The following GTF2IRD2B variants were observed in gnomAD, a reference collection of about 807,000 sequenced individuals.
The protein encoded by GTF2IRD2B is general transcription factor II-I repeat domain-containing protein 2B.
A neutral mutation model predicts 55.6 loss-of-function variants in GTF2IRD2B; 10 were observed. That is an observed-to-expected ratio of 0.18 (90% CI 0.11 to 0.31). The LOEUF is 0.31. Among genes scored for constraint, GTF2IRD2B ranks in the 10% least tolerant of loss-of-function variants. The pLI is 1.00. For missense variants in GTF2IRD2B, 206 were observed against 802.7 expected, an observed-to-expected ratio of 0.26 and a Z score of 8.98; for synonymous variants, 107 against 320.5, an observed-to-expected ratio of 0.33 and a Z score of 7.12.
In GTF2IRD2B at chr7:75,104,178, A is replaced by C. The variant is rs587696977; in HGVS notation, c.-5-4782A>C. Among the ~76,000 whole-genome samples, 58 of 136,238 alleles carry C rather than the reference A, an allele frequency of 4.3e-4. 2 individuals are homozygous for C. The East Asian group carries it at 5.2e-3, about 12-fold the overall frequency. The allele number at this position is 136,238 out of a possible 152,430, so 89.4% of individuals were successfully genotyped here. On this transcript the variant is annotated intron_variant, in intron 1 of 15. Transcript: ENST00000472837. ...TACTCTGTTGCCCCACCTGGAGGGCAGTGGCACAATCTTGGCTCACTGCAA... is the reference window on the plus strand; with the variant it reads ...TACTCTGTTGCCCCACCTGGAGGGCCGTGGCACAATCTTGGCTCACTGCAA...
At chr7:75,121,581 C>T in intron 4 of GTF2IRD2B, among the ~76,000 whole-genome samples, 1 of 142,280 alleles carries the variant, frequency 7.0e-6, no homozygotes, top group Non-Finnish European at 1.5e-5. Flanking sequence ...ACCCCAGCCT[C>T]CTAAGTAGCT....
In GTF2IRD2B at chr7:75,127,022, AAC is replaced by A. The variant is rs1268999074; in HGVS notation, c.670+639_670+640del. On this transcript the variant is annotated intron_variant, in intron 8 of 15. Transcript: ENST00000472837. ...AAAAAAAAACAAAAACAAAAACAAA[AAC>A]AAAAAAAACAAAAAAAAGAACCAAG... is the stretch of plus-strand genomic sequence containing the variant. 6.4e-4 allele frequency among the ~76,000 whole-genome samples: 63 copies of A among 98,284 alleles called. 2 individuals are homozygous for A. Among genetic ancestry groups the A allele is most frequent in the Middle Eastern group, 5.4e-3 (1 of 186 alleles). The allele number at this position is 98,284 out of a possible 152,430, so 64.5% of individuals were successfully genotyped here.
chr7:75,102,613 C>G (rs1428751647), intron 1 of GTF2IRD2B, among the ~76,000 whole-genome samples: 1 of 151,352 alleles, frequency 6.6e-6, no homozygotes, highest in Non-Finnish European at 1.5e-5. Context: ...GAGCCATGAT[C>G]GAGCCACTGC....
At position 75,130,114 on chromosome 7, in the gene GTF2IRD2B, T is replaced by G. The variant is rs1563097507; in HGVS notation, c.671-3021T>G. On this transcript the variant is annotated intron_variant, in intron 8 of 15. Transcript: ENST00000472837. ...TTCTCTTTCTTTCTTTCTTTCTTTC[T>G]TTCTTTCTTTCTTTCTTTCTTTCTT... 6.4e-5 allele frequency among the ~76,000 whole-genome samples: 7 copies of G among 108,808 alleles called. No individual in the cohort carries two copies. In the South Asian group the frequency reaches 2.3e-3, roughly 35 times the overall value. 71.4% of individuals were successfully genotyped at this position (108,808 alleles called of 152,430 possible).
chr7:75,100,165 A>AT (rs1807498042), intron 1 of GTF2IRD2B, among the ~76,000 whole-genome samples: 2 of 112,488 alleles, frequency 1.8e-5, no homozygotes. Context: ...CTGAGGCAGC[A>AT]GAATCGCTTG....
chr7:75,109,231 G>T (rs587628940), intron 2 of GTF2IRD2B, among the ~76,000 whole-genome samples, 168 bp downstream of exon 2: 2 of 138,884 alleles, frequency 1.4e-5, no homozygotes, highest in Admixed American at 7.6e-5. Context: ...CTCAGCTCAC[G>T]GCAACCTCTG....
At chr7:75,136,148 A>AATG (rs1208244507) in intron 10 of GTF2IRD2B, among the ~76,000 whole-genome samples, 1 of 72,458 alleles carries the variant, frequency 1.4e-5, no homozygotes, top group African/African-American at 6.0e-5. Context: ...CAATAATGAT[A>AATG]ATAATAATAA....
At chr7:75,103,527 G>A (rs1554449780) in intron 1 of GTF2IRD2B, among the ~76,000 whole-genome samples, 2 of 149,938 alleles carry the variant, frequency 1.3e-5, no homozygotes, top group African/African-American at 4.9e-5. Context: ...CCGTCCCCAA[G>A]TGAAGGGTGC....
chr7:75,120,195 A>C lies in GTF2IRD2B; in HGVS notation c.239-696A>C, dbSNP rs1395264163. 2.8e-4 allele frequency among the ~76,000 whole-genome samples: 20 copies of C among 72,044 alleles called. 3 individuals carry two copies. The East Asian group carries it at 3.7e-3, about 13-fold the overall frequency. 47.3% of individuals were successfully genotyped at this position (72,044 alleles called of 152,430 possible). On this transcript the variant is annotated intron_variant, in intron 3 of 15. Coordinates refer to ENST00000472837, the MANE Select transcript of GTF2IRD2B (RefSeq NM_001003795.3). ...CCTTACATTGATACAAAAAAAAAAA[A>C]CAAAAACCTTTCTGTGTTCAAATTA...
chr7:75,136,148 A>G (rs1355938579), intron 10 of GTF2IRD2B, among the ~76,000 whole-genome samples: 16 of 72,432 alleles, frequency 2.2e-4, no homozygotes, highest in South Asian at 4.1e-4. Flanking sequence ...CAATAATGAT[A>G]ATAATAATAA....
intron 1 of GTF2IRD2B, among the ~76,000 whole-genome samples, chr7:75,105,891 AG>A (rs1397565037): frequency 6.6e-6 from 1 of 152,310 alleles, no homozygotes; most frequent in African/African-American, 2.4e-5. Context: ...TCTGGAACCC[AG>A]GCTGCTGTGG....
chr7:75,132,548 CTTTTTTTTTT>C (rs1159887977), intron 8 of GTF2IRD2B, among the ~76,000 whole-genome samples: 9 of 85,356 alleles, frequency 1.1e-4, no homozygotes, highest in African/African-American at 2.0e-4. Context: ...CTCCTTCCTT[CTTTTTTTTTT>C]TTTTTTTTTT....
intron 1 of GTF2IRD2B, among the ~76,000 whole-genome samples, chr7:75,104,160 T>G: frequency 7.3e-6 from 1 of 136,646 alleles, no homozygotes; most frequent in South Asian, 2.4e-4. Flanking sequence ...TCTTACTCTG[T>G]TGCCCCACCT....
chr7:75,101,908 A>T (rs1165047269), intron 1 of GTF2IRD2B, among the ~76,000 whole-genome samples: 2 of 150,502 alleles, frequency 1.3e-5, no homozygotes, highest in African/African-American at 4.9e-5. Flanking sequence ...AAAAAAAAAA[A>T]AAAAAGAAAA....
At chr7:75,123,719 CGAA>C (rs1808458708) in intron 6 of GTF2IRD2B, 1 of 631,840 alleles carries the variant, frequency 1.6e-6, no homozygotes. Context: ...ACTAAAAATA[CGAA>C]AAAAAATTAG....
chr7:75,119,819 C>T (rs1251688559), intron 3 of GTF2IRD2B, among the ~76,000 whole-genome samples: 4 of 95,520 alleles, frequency 4.2e-5, no homozygotes, highest in African/African-American at 5.0e-5. Context: ...CCAACAACAC[C>T]GTATATCCAT....
At chr7:75,103,382 GT>G (rs1215341888) in intron 1 of GTF2IRD2B, among the ~76,000 whole-genome samples, 1 of 151,232 alleles carries the variant, frequency 6.6e-6, no homozygotes, top group African/African-American at 2.4e-5. Context: ...ATGTGGTCCC[GT>G]GGGGACCAGT....
intron 1 of GTF2IRD2B, among the ~76,000 whole-genome samples, chr7:75,104,164 C>T (rs1265994391): frequency 2.2e-5 from 3 of 136,536 alleles, no homozygotes; most frequent in African/African-American, 8.2e-5. Context: ...ACTCTGTTGC[C>T]CCACCTGGAG....
rs1808215095 is a variant in GTF2IRD2B at position 75,117,768 on chromosome 7, CT to C, written c.239-3117del. Among the ~76,000 whole-genome samples, 4 of 152,266 alleles carry C rather than the reference CT, an allele frequency of 2.6e-5. No individual in the cohort carries two copies. The South Asian group carries it at 8.3e-4, about 31-fold the overall frequency. ...ATACATTTTTACATTGGCCTTTTTT[CT>C]TTTTTATTATTATTTTAAAAATATA... On this transcript the variant is annotated intron_variant, in intron 3 of 15. Transcript: ENST00000472837.
Sources: allele counts gnomAD v4.1 joint callset (sites outside exome capture counted in the v4.1 genomes callset), GRCh38; gene constraint gnomAD v4.1.1; transcripts MANE v1.5; gene names NCBI Gene and HGNC (gene_info 2026-07-23, HGNC 2026-07-21).